Variants in ALMS1 observed in about 807,000 individuals in gnomAD.
ALMS1 encodes the protein centrosome-associated protein ALMS1.
A neutral mutation model predicts 352.2 loss-of-function variants in ALMS1; 271 were observed. The observed-to-expected ratio is 0.77, with a 90% CI of 0.70 to 0.85. The LOEUF is 0.85. Among genes scored for constraint, ALMS1 ranks in the 40% least tolerant of loss-of-function variants. ALMS1 has a pLI of 0.00. For missense variants in ALMS1, 5,445 were observed against 4,870.7 expected, an observed-to-expected ratio of 1.12 and a Z score of -3.51; for synonymous variants, 1,865 against 1,761.2, an observed-to-expected ratio of 1.06 and a Z score of -1.48.
At position 73,419,286 on chromosome 2, in the gene ALMS1, C is replaced by T. The variant is rs748020266; in HGVS notation, c.614C>T (p.Pro205Leu). The T allele has an allele frequency of 6.2e-7, 1 of 1,613,920 alleles. No homozygotes were observed. Among genetic ancestry groups the T allele is most frequent in the African/African-American group, 1.3e-5 (1 of 74,918 alleles). ...LTQSENQVKE[P>L]NRDLFCSPLL... ...CAATCAGAAAATCAAGTAAAGGAAC[C>T]CAACAGAGATCTCTTCTGTTCTCCA... Residue 205 changes from proline to leucine, a missense_variant, in exon 3 of 23, where the codon CCC becomes CTC. Physicochemically the swap from Pro to Leu is moderately conservative, Grantham distance 98. Coordinates refer to ENST00000613296, the MANE Select transcript of ALMS1 (RefSeq NM_001378454.1).
chr2:73,609,820 A>C lies in ALMS1; in HGVS notation c.*208A>C, dbSNP rs962469662. 1.0e-5 allele frequency: 6 copies of C among 578,286 alleles called. No homozygotes were observed. Among genetic ancestry groups the C allele is most frequent in the African/African-American group, 9.4e-5 (5 of 53,350 alleles). 35.8% of individuals were successfully genotyped at this position (578,286 alleles called of 1,614,324 possible). ...TACTTTCTGCATAGTGGCCTTGTCC[A>C]ATGGCCTGTGTGTTACAATGATATG... On this transcript the variant is annotated 3_prime_UTR_variant, in exon 23 of 23. Transcript: ENST00000613296.
Position 73,607,282 on chromosome 2 carries a change from A to T in ALMS1, c.12363-1193A>T, listed in dbSNP as rs142696264. ...ATTCTGAAACTTTTGTTTGGTATAC[A>T]TGAAACATACTTGTAACATATACAT... On this transcript the variant is annotated intron_variant, in intron 21 of 22. Transcript: ENST00000613296. 5.8e-3 allele frequency among the ~76,000 whole-genome samples: 881 copies of T among 152,364 alleles called. 11 individuals are homozygous for T. The highest frequency in any genetic ancestry group is 0.044 in the Middle Eastern group (13 of 294).
chr2:73,515,897 A>G (rs765314618), intron 10 of ALMS1, among the ~76,000 whole-genome samples: 6 of 152,088 alleles, frequency 3.9e-5, no homozygotes, highest in Non-Finnish European at 7.4e-5. Context: ...ATCTCCCAAG[A>G]TTGAGCCAGG....
intron 15 of ALMS1, among the ~76,000 whole-genome samples, chr2:73,568,992 C>CCTCTTTTT (rs1558697963): frequency 1.5e-5 from 1 of 66,932 alleles, no homozygotes; most frequent in African/African-American, 5.2e-5. Flanking sequence ...GCTGCTTCTG[C>CCTCTTTTT]TTCTTTTTTT....
intron 12 of ALMS1, 83 bp from the exon 13 acceptor site, chr2:73,550,184 G>A: frequency 6.7e-7 from 1 of 1,489,568 alleles, no homozygotes; most frequent in South Asian, 1.2e-5. Context: ...CATAGAATTG[G>A]TCTAAGAGGC....
intron 16 of ALMS1, among the ~76,000 whole-genome samples, chr2:73,590,953 G>A (rs1414451509): frequency 3.3e-5 from 5 of 152,094 alleles, no homozygotes; most frequent in African/African-American, 1.2e-4. Context: ...TGGAATTACA[G>A]GCGTGAGCCA....
intron 1 of ALMS1, among the ~76,000 whole-genome samples, chr2:73,390,758 C>T (rs1378842612): frequency 6.6e-6 from 1 of 151,786 alleles, no homozygotes; most frequent in African/African-American, 2.4e-5. Context: ...ATCAACAGTG[C>T]TTGGAAATCT....
chr2:73,533,927 A>G (rs1464708922), intron 11 of ALMS1, among the ~76,000 whole-genome samples: 2 of 152,184 alleles, frequency 1.3e-5, no homozygotes, highest in Non-Finnish European at 2.9e-5. Flanking sequence ...AAAAGAATTT[A>G]CCTTGGATGG....
intron 9 of ALMS1, among the ~76,000 whole-genome samples, chr2:73,463,635 A>G (rs1167374380): frequency 8.0e-6 from 1 of 125,550 alleles, no homozygotes; most frequent in Non-Finnish European, 1.7e-5. Flanking sequence ...GACACAAAAA[A>G]CCCTTCAAAA....
Position 73,426,439 on chromosome 2 carries a change from C to T in ALMS1, c.1238-14C>T. ...CTATACATACAATTATGCAAAATGA[C>T]TCCTATTTTGTAGAGGGCCTGCAGG... On this transcript the variant is annotated splice_polypyrimidine_tract_variant and intron_variant, in intron 5 of 22. Coordinates refer to ENST00000613296, the MANE Select transcript of ALMS1 (RefSeq NM_001378454.1). The T allele has an allele frequency of 2.5e-6, 4 of 1,612,762 alleles. No individual in the cohort carries two copies. Among genetic ancestry groups the T allele is most frequent in the Non-Finnish European group, 3.4e-6 (4 of 1,178,760 alleles).
intron 8 of ALMS1, among the ~76,000 whole-genome samples, chr2:73,454,738 G>C (rs1437869396): frequency 1.3e-5 from 2 of 152,056 alleles, no homozygotes; most frequent in Non-Finnish European, 2.9e-5. Flanking sequence ...CCTAGAAATC[G>C]TCCCTTGAGG....
intron 12 of ALMS1, among the ~76,000 whole-genome samples, chr2:73,547,207 TA>T (rs1040518752): frequency 6.6e-6 from 1 of 152,188 alleles, no homozygotes; most frequent in Non-Finnish European, 1.5e-5. Context: ...CTTGGTAGGT[TA>T]GGGGCATTAA....
intron 15 of ALMS1, among the ~76,000 whole-genome samples, chr2:73,570,507 G>T (rs1216345277): frequency 6.6e-6 from 1 of 152,082 alleles, no homozygotes; most frequent in Admixed American, 6.5e-5. Context: ...AGGGAGAGAG[G>T]TAAAGGAGAG....
At chr2:73,467,989 A>G (rs888864549) in intron 9 of ALMS1, among the ~76,000 whole-genome samples, 2 of 152,080 alleles carry the variant, frequency 1.3e-5, no homozygotes, top group Non-Finnish European at 1.5e-5. Context: ...AAGTTTTTGT[A>G]TATCTGGATA....
chr2:73,581,315 A>G (rs756474673), intron 16 of ALMS1, among the ~76,000 whole-genome samples: 9 of 152,190 alleles, frequency 5.9e-5, no homozygotes, highest in Non-Finnish European at 1.2e-4. Context: ...GGTGAAACTA[A>G]GGCAGGTCCC....
chr2:73,517,322 C>T (rs1278612090), intron 10 of ALMS1, among the ~76,000 whole-genome samples: 5 of 139,138 alleles, frequency 3.6e-5, no homozygotes, highest in African/African-American at 1.1e-4. Context: ...GGTGCAGTCA[C>T]GGCTCACTGC....
At chr2:73,471,978 A>C (rs1672478688) in intron 9 of ALMS1, among the ~76,000 whole-genome samples, 1 of 152,074 alleles carries the variant, frequency 6.6e-6, no homozygotes, top group African/African-American at 2.4e-5. Context: ...ATGGATAAAG[A>C]AAATGTGGTA....
intron 10 of ALMS1, among the ~76,000 whole-genome samples, chr2:73,508,952 A>C (rs980229520): frequency 6.6e-6 from 1 of 152,088 alleles, no homozygotes; most frequent in Admixed American, 6.5e-5. Flanking sequence ...TTCTTGTTGC[A>C]TTGATCCGTT....
In ALMS1 at chr2:73,453,130, T is replaced by C. The variant is rs1210465296; in HGVS notation, c.6603T>C (p.His2201=). ...HGENHKLVSE[H]VQRLIDNLNS... ...AGAATCACAAGCTTGTTTCAGAACATGTCCAAAGGCTAATAGATAATTTGA... is the reference window on the plus strand; with the variant it reads ...AGAATCACAAGCTTGTTTCAGAACACGTCCAAAGGCTAATAGATAATTTGA... The change falls in exon 8 of 23, where the codon CAT becomes CAC. Residue 2201 remains histidine, a synonymous_variant. Coordinates refer to ENST00000613296, the MANE Select transcript of ALMS1 (RefSeq NM_001378454.1). 1 of 1,613,972 alleles carries C rather than the reference T, an allele frequency of 6.2e-7. No homozygotes were observed. Among genetic ancestry groups the C allele is most frequent in the African/African-American group, 1.3e-5 (1 of 74,942 alleles).
Sources: gnomAD v4.1 joint callset for allele counts (sites outside exome capture counted in the v4.1 genomes callset) on GRCh38, gnomAD v4.1.1 for gene constraint, MANE v1.5 for transcripts, NCBI Gene and HGNC (gene_info 2026-07-23, HGNC 2026-07-21) for gene names.